CSMD2: variants seen among roughly 807,000 people sequenced by gnomAD.
The protein encoded by CSMD2 is CUB and Sushi multiple domains 2.
CSMD2 carries 130 observed loss-of-function variants against 398.5 expected under a neutral mutation model. The ratio of observed to expected loss-of-function variants is 0.33; its 90% confidence interval spans 0.28 to 0.38. The LOEUF is 0.38. Ranked by LOEUF, CSMD2 falls within the 10% of genes least tolerant of loss-of-function variation. The pLI is 1.00. For missense variants in CSMD2, 3,829 were observed against 4,764.9 expected, an observed-to-expected ratio of 0.80 and a Z score of 5.78; for synonymous variants, 1,828 against 1,908.5, an observed-to-expected ratio of 0.96 and a Z score of 1.10.
intron 31 of CSMD2, among the ~76,000 whole-genome samples, chr1:33,634,872 G>C (rs990572670): frequency 1.3e-5 from 2 of 152,030 alleles, no homozygotes; most frequent in Non-Finnish European, 2.9e-5. Flanking sequence ...CTCACCCTGG[G>C]TTCCTAACAG....
At chr1:33,755,179 T>G (rs1648812786) in intron 13 of CSMD2, among the ~76,000 whole-genome samples, 1 of 152,164 alleles carries the variant, frequency 6.6e-6, no homozygotes, top group Non-Finnish European at 1.5e-5. Flanking sequence ...GTAAGTAAAC[T>G]GAGGCAGCTC....
chr1:33,923,498 C>T lies in CSMD2; in HGVS notation c.713-5197G>A, dbSNP rs144160071. Among the ~76,000 whole-genome samples, 47 of 152,240 alleles carry T rather than the reference C, an allele frequency of 3.1e-4. 1 individual carries two copies. The East Asian group carries it at 9.1e-3, about 29-fold the overall frequency. On this transcript the variant is annotated intron_variant, in intron 4 of 70. Coordinates refer to ENST00000373381, the MANE Select transcript of CSMD2 (RefSeq NM_001281956.2). ...CTGTGGAACCATGAGTCAATTAAAC[C>T]TCTTTTCTTGATAAATTACCTAGTC...
chr1:33,954,851 C>T (rs992079390), intron 3 of CSMD2, among the ~76,000 whole-genome samples: 2 of 152,046 alleles, frequency 1.3e-5, no homozygotes, highest in African/African-American at 4.8e-5. Context: ...GTCAGAGTTT[C>T]AGCTTGGGAA....
chr1:34,132,288 C>T (rs1234326021), intron 1 of CSMD2, among the ~76,000 whole-genome samples: 1 of 152,072 alleles, frequency 6.6e-6, no homozygotes, highest in African/African-American at 2.4e-5. Flanking sequence ...TAATAAAGCC[C>T]CGATTCACTC....
intron 25 of CSMD2, among the ~76,000 whole-genome samples, chr1:33,674,364 C>G (rs1259629948): frequency 6.6e-6 from 1 of 152,036 alleles, no homozygotes; most frequent in African/African-American, 2.4e-5. Flanking sequence ...ACAAAGAAGG[C>G]CATTACATAA....
intron 3 of CSMD2, among the ~76,000 whole-genome samples, chr1:33,937,670 G>A (rs1299082571): frequency 6.6e-6 from 1 of 152,180 alleles, no homozygotes; most frequent in African/African-American, 2.4e-5. Context: ...GGTAGACTTT[G>A]GAACCAGCCT....
At chr1:34,016,979 ACGTGATCGTTTAACTGG>A (rs2148094388) in intron 3 of CSMD2, among the ~76,000 whole-genome samples, 1 of 152,344 alleles carries the variant, frequency 6.6e-6, no homozygotes, top group East Asian at 1.9e-4. Context: ...AACCAAGGGT[ACGTGATCGTTTAACTGG>A]CACTGTTTTC....
rs1201066821 is a variant in CSMD2 at position 33,559,080 on chromosome 1, T to C, written c.8554+220A>G. 6.6e-6 allele frequency among the ~76,000 whole-genome samples: 1 copy of C among 152,228 alleles called. No homozygotes were observed. The highest frequency in any genetic ancestry group is 1.9e-4 in the East Asian group (1 of 5,200). The stretch of plus-strand genomic sequence containing the variant: ...AAAAAGACGACTTGAAAGATAAAAC[T>C]TAAGTTTTGCTTTCCTTATATAACC... On this transcript the variant is annotated intron_variant, in intron 54 of 70. Transcript: ENST00000373381. The surrounding 1 kb of genome is among the most constrained non-coding windows in gnomAD (Gnocchi z 4.0).
chr1:33,625,011 C>A, intron 34 of CSMD2, 40 bp downstream of exon 34: 3 of 1,593,966 alleles, frequency 1.9e-6, no homozygotes, highest in South Asian at 1.1e-5. Context: ...GACTACGTGC[C>A]GCCCCCCGCA....
intron 25 of CSMD2, among the ~76,000 whole-genome samples, chr1:33,690,417 C>A (rs188738713): frequency 2.6e-5 from 4 of 152,310 alleles, no homozygotes; most frequent in Admixed American, 1.3e-4. Context: ...TTTTTCATTC[C>A]CCTTCCTCAT....
At chr1:33,895,309 A>G (rs1235101184) in intron 5 of CSMD2, among the ~76,000 whole-genome samples, 2 of 152,170 alleles carry the variant, frequency 1.3e-5, no homozygotes, top group Non-Finnish European at 2.9e-5. Context: ...ACAGCTTCTC[A>G]TGATACAGGC....
chr1:33,817,234 C>T (rs1415879312), intron 9 of CSMD2, among the ~76,000 whole-genome samples: 1 of 152,158 alleles, frequency 6.6e-6, no homozygotes, highest in African/African-American at 2.4e-5. Flanking sequence ...ACCCAGGAGA[C>T]TTAGCAGTCT....
chr1:34,095,475 G>A (rs1296188876), intron 1 of CSMD2, among the ~76,000 whole-genome samples: 2 of 150,950 alleles, frequency 1.3e-5, no homozygotes, highest in Non-Finnish European at 3.0e-5. Flanking sequence ...CCAGGAGCTG[G>A]TTTTTTGAAA....
intron 50 of CSMD2, among the ~76,000 whole-genome samples, chr1:33,572,107 C>A (rs749137998): frequency 1.1e-4 from 17 of 151,864 alleles, no homozygotes; most frequent in Non-Finnish European, 2.1e-4. Flanking sequence ...ACCGTGTAGG[C>A]CAAAAAACAA....
chr1:33,886,330 G>A (rs1255761054), intron 5 of CSMD2, among the ~76,000 whole-genome samples: 8 of 152,194 alleles, frequency 5.3e-5, no homozygotes, highest in Non-Finnish European at 1.2e-4. Context: ...CTGCTTCAGT[G>A]TTCCAGGTGT....
intron 4 of CSMD2, among the ~76,000 whole-genome samples, chr1:33,920,744 T>C (rs1643909304): frequency 6.6e-6 from 1 of 151,994 alleles, no homozygotes; most frequent in East Asian, 1.9e-4. Flanking sequence ...CAGGATCCCT[T>C]GGGATGCCAT....
intron 13 of CSMD2, among the ~76,000 whole-genome samples, chr1:33,756,787 C>T (rs977979999): frequency 1.3e-5 from 2 of 152,138 alleles, no homozygotes; most frequent in East Asian, 3.9e-4. Context: ...TACCATTTGA[C>T]CCAGCCATCC....
chr1:33,929,789 T>C (rs1170264563), intron 4 of CSMD2, among the ~76,000 whole-genome samples: 2 of 152,014 alleles, frequency 1.3e-5, no homozygotes, highest in African/African-American at 2.4e-5. Flanking sequence ...CTCTAGCGTG[T>C]CCAGTACTTT....
Position 33,559,202 on chromosome 1 carries a change from T to G in CSMD2, c.8554+98A>C. ...TCCATCTTCCCTATCTGGATCAGAA[T>G]GATGCCAGAATGAATTCACTGGCTT... On this transcript the variant is annotated intron_variant, in intron 54 of 70. Coordinates refer to ENST00000373381, the MANE Select transcript of CSMD2 (RefSeq NM_001281956.2). The surrounding 1 kb of genome is among the most constrained non-coding windows in gnomAD (Gnocchi z 4.0). 8.8e-7 allele frequency: 1 copy of G among 1,132,572 alleles called. No individual in the cohort carries two copies. Among genetic ancestry groups the G allele is most frequent in the Non-Finnish European group, 1.2e-6 (1 of 803,214 alleles). The allele number at this position is 1,132,572 out of a possible 1,614,324, so 70.2% of individuals were successfully genotyped here. A position where few individuals can be genotyped will look rare whatever the true frequency, so the allele number is the denominator to read the frequency against.
Sources: allele counts gnomAD v4.1 joint callset (sites outside exome capture counted in the v4.1 genomes callset), GRCh38; gene constraint gnomAD v4.1.1; non-coding constraint Gnocchi (gnomAD v3.1); transcripts MANE v1.5; gene names NCBI Gene and HGNC (gene_info 2026-07-23, HGNC 2026-07-21).